ITIH1: variants seen among roughly 807,000 people sequenced by gnomAD.
ITIH1 encodes the protein inter-alpha-trypsin inhibitor heavy chain 1.
In ITIH1, 94 loss-of-function variants were observed where a neutral mutation model predicts 104.6. The ratio of observed to expected loss-of-function variants is 0.90; its 90% CI spans 0.76 to 1.07. ITIH1 has a LOEUF of 1.07. Among genes scored for constraint, ITIH1 ranks in the 50% least tolerant of loss-of-function variants. The probability of loss-of-function intolerance (pLI) is 0.00; values close to 1 mark genes in which losing one functional copy is unlikely to be tolerated. For synonymous variants in ITIH1, 455 were observed against 464.4 expected, an observed-to-expected ratio of 0.98 and a Z score of 0.26; for missense variants, 1,193 against 1,181.4, an observed-to-expected ratio of 1.01 and a Z score of -0.14.
At chr3:52,778,608 C>A in intron 3 of ITIH1, 102 bp downstream of exon 3, 2 of 1,550,580 alleles carry the variant, frequency 1.3e-6, no homozygotes. Flanking sequence ...AGAGCATCTC[C>A]TCATTCTAGA....
chr3:52,786,242 C>A, intron 12 of ITIH1, 53 bp from the exon 13 acceptor site: 2 of 1,536,562 alleles, frequency 1.3e-6, no homozygotes, highest in East Asian at 2.4e-5. Flanking sequence ...TAGCACCAGC[C>A]AGGGGCCGTG....
chr3:52,791,072 T>C, intron 20 of ITIH1, 151 bp downstream of exon 20: 4 of 751,978 alleles, frequency 5.3e-6, no homozygotes, highest in Non-Finnish European at 8.3e-6. Flanking sequence ...TCTGAGGGGC[T>C]GTGTTGGTGA....
At position 52,781,212 on chromosome 3, in the gene ITIH1, TTCTTC is replaced by T. The variant is rs1699035831; in HGVS notation, c.688-726_688-722del. On this transcript the variant is annotated intron_variant, in intron 6 of 21. Transcript: ENST00000273283. ...TCCTCCTCTTCTTTTTTTTTTTTTC[TTCTTC>T]TTCTTCTTCTTCTTCTTCTTCTTCT... 7.1e-3 allele frequency among the ~76,000 whole-genome samples: 99 copies of T among 13,908 alleles called. 7 individuals carry two copies. The highest frequency in any genetic ancestry group is 0.014 in the South Asian group (6 of 422). 9.1% of individuals were successfully genotyped at this position (13,908 alleles called of 152,430 possible). A position where few individuals can be genotyped will look rare whatever the true frequency, so the allele number is the denominator to read the frequency against.
chr3:52,788,496 ATCC>A (rs1699262956), intron 18 of ITIH1, 151 bp downstream of exon 18: 1 of 603,968 alleles, frequency 1.7e-6, no homozygotes, highest in Non-Finnish European at 3.0e-6. Flanking sequence ...TTCCCACGCC[ATCC>A]TCCTGGCTGC....
At position 52,784,382 on chromosome 3, in the gene ITIH1, A is replaced by G. The variant is rs755447306; in HGVS notation, c.1312A>G (p.Asn438Asp). The change falls in exon 11 of 22, where the codon AAT becomes GAT. Residue 438 changes from asparagine to aspartate, a missense_variant. Asn to Asp is a conservative substitution (Grantham distance 23). Coordinates refer to ENST00000273283, the MANE Select transcript of ITIH1 (RefSeq NM_002215.4). ...FPLYNLGFGH[N>D]VDFNFLEVMS... is the part of the protein sequence containing the mutation. ...GCTCTACAACCTGGGTTTCGGCCAC[A>G]ATGTGGACTTTAACTTTCTGGAGGT... is the stretch of plus-strand genomic sequence containing the variant. 1.9e-6 allele frequency: 3 copies of G among 1,614,182 alleles called. No homozygotes were observed. Among genetic ancestry groups the G allele is most frequent in the Non-Finnish European group, 2.5e-6 (3 of 1,180,008 alleles).
chr3:52,789,463 A>G (rs757115531), intron 18 of ITIH1, among the ~76,000 whole-genome samples, 190 bp from the exon 19 acceptor site: 2 of 152,112 alleles, frequency 1.3e-5, no homozygotes, highest in African/African-American at 2.4e-5. Context: ...TTGGCATGGC[A>G]GGAGGGGTGG....
chr3:52,780,391 G>T lies in ITIH1; in HGVS notation c.687+9G>T, dbSNP rs372981808. 6.3e-7 allele frequency: 1 copy of T among 1,592,476 alleles called. No homozygotes were observed. Among genetic ancestry groups the T allele is most frequent in the African/African-American group, 1.3e-5 (1 of 74,494 alleles). On this transcript the variant is annotated intron_variant, in intron 6 of 21. Transcript: ENST00000273283. ...CCTTCTCAGGAAAAAAGGTACATGG[G>T]ATAGCAAGGGGGTGGTGGTGGGCCC...
In ITIH1 at chr3:52,789,753, G is replaced by C. The variant is rs972021409; in HGVS notation, c.2220G>C (p.Thr740=). ...GGCTGGGAATCGCAAACCCTGCCAC[G>C]GACTTTCAGTTGGAAGTGACTCCTC... is the stretch of plus-strand genomic sequence containing the variant. The part of the protein sequence containing the change: ...FGRLGIANPA[T]DFQLEVTPQN... Residue 740 remains threonine (T), a synonymous_variant, in exon 19 of 22, where the codon ACG becomes ACC. Transcript: ENST00000273283. 4 of 1,614,236 alleles carry C rather than the reference G, an allele frequency of 2.5e-6. No homozygotes were observed. The highest frequency in any genetic ancestry group is 2.2e-5 in the South Asian group (2 of 91,084).
chr3:52,778,267 C>T (rs1698952025), intron 2 of ITIH1, 73 bp from the exon 3 acceptor site: 1 of 1,484,974 alleles, frequency 6.7e-7, no homozygotes, highest in African/African-American at 1.4e-5. Flanking sequence ...AGTGCCAAGT[C>T]CCCGTACCAC....
intron 19 of ITIH1, 49 bp downstream of exon 19, chr3:52,789,903 C>A (rs777614788): frequency 4.4e-6 from 7 of 1,578,252 alleles, no homozygotes; most frequent in Non-Finnish European, 6.1e-6. Flanking sequence ...GTGGCCTGGG[C>A]CCAGGACTCT....
chr3:52,789,856 T>C lies in ITIH1; in HGVS notation c.2321+2T>C, dbSNP rs781521171. 6.8e-6 allele frequency: 11 copies of C among 1,613,740 alleles called. No individual in the cohort carries two copies. The highest frequency in any genetic ancestry group is 9.3e-6 in the Non-Finnish European group (11 of 1,179,794). On this transcript the variant is annotated splice_donor_variant, in intron 19 of 21. Coordinates refer to ENST00000273283, the MANE Select transcript of ITIH1 (RefSeq NM_002215.4). LOFTEE classifies it high-confidence loss of function. ...CCAAGCTGTGCTGCGGCAGGACGGG[T>C]AACCTGCCAGGGCCTGGGCAAGATG... is the stretch of plus-strand genomic sequence containing the variant.
chr3:52,779,366 G>T lies in ITIH1; in HGVS notation c.411-66G>T. The T allele has an allele frequency of 3.3e-6, 5 of 1,514,080 alleles. No individual in the cohort carries two copies. In the South Asian group the frequency reaches 5.6e-5, roughly 17 times the overall value. 93.8% of individuals were successfully genotyped at this position (1,514,080 alleles called of 1,614,324 possible). Reference sequence around the variant, plus strand: ...AATAAATTCTGTGGGCCACATGTTAGGTGACAAGGACCCAAATGTCATTTA... The same window carrying T: ...AATAAATTCTGTGGGCCACATGTTATGTGACAAGGACCCAAATGTCATTTA... On this transcript the variant is annotated intron_variant, in intron 4 of 21. Transcript: ENST00000273283. This position sits in a 1 kb window ranked among gnomAD's most constrained non-coding sequence, Gnocchi z 4.4.
rs1220663829 is a variant in ITIH1, at chr3:52,791,913, C to G, written c.*2C>G. On this transcript the variant is annotated 3_prime_UTR_variant, in exon 22 of 22. Transcript: ENST00000273283. ...TATATCGTCCCCGACATCTTCTGAGCCCTCTGGCCAGCACGCCTGTCCTCC... is the reference window on the plus strand; with the variant it reads ...TATATCGTCCCCGACATCTTCTGAGGCCTCTGGCCAGCACGCCTGTCCTCC... The G allele has an allele frequency of 1.9e-6, 3 of 1,609,972 alleles. No homozygotes were observed. Among genetic ancestry groups the G allele is most frequent in the Non-Finnish European group, 2.5e-6 (3 of 1,177,558 alleles).
Position 52,791,586 on chromosome 3 carries a change from A to G in ITIH1, c.2564A>G (p.Asp855Gly). Residue 855 changes from aspartate (D) to glycine (G), a missense_variant, in exon 21 of 22, where the codon GAT (aspartate) becomes GGT (glycine). Asp to Gly is a moderately conservative substitution (Grantham distance 94, BLOSUM62 -1). Transcript: ENST00000273283. ...CCAGGCTCTGACCCCACAAAGCCAGATGCCACGATGGTGGTGAGGAACCGC... is the reference window on the plus strand; with the variant it reads ...CCAGGCTCTGACCCCACAAAGCCAGGTGCCACGATGGTGGTGAGGAACCGC... ...IHPGSDPTKPDATMVVRNRRL... is the reference protein window; with the variant it reads ...IHPGSDPTKPGATMVVRNRRL... 4 of 1,614,142 alleles carry G rather than the reference A, an allele frequency of 2.5e-6. No homozygotes were observed. The highest frequency in any genetic ancestry group is 3.4e-6 in the Non-Finnish European group (4 of 1,180,034).
rs1698939550 is a variant in ITIH1 at position 52,777,623 on chromosome 3, G to C, written c.8G>C (p.Gly3Ala). Residue 3 changes from glycine (G) to alanine (A), a missense_variant, in exon 1 of 22, where the codon GGT becomes GCT. Coordinates refer to ENST00000273283, the MANE Select transcript of ITIH1 (RefSeq NM_002215.4). MD[G>A]AMGPRGLLLC... Reference sequence around the variant, plus strand: ...CAGCAGGAGCCTTAGAGCATGGACGGTGCCATGGGGCCTCGGGGGCTGCTG... The same window carrying C: ...CAGCAGGAGCCTTAGAGCATGGACGCTGCCATGGGGCCTCGGGGGCTGCTG... The C allele has an allele frequency of 6.3e-7, 1 of 1,583,252 alleles. No homozygotes were observed. The highest frequency in any genetic ancestry group is 8.6e-7 in the Non-Finnish European group (1 of 1,165,764).
chr3:52,783,428 A>T, intron 10 of ITIH1, 89 bp downstream of exon 10: 1 of 1,444,090 alleles, frequency 6.9e-7, no homozygotes, highest in Non-Finnish European at 9.5e-7. Context: ...ACCATTGGAG[A>T]TGCCATCAGG....
intron 11 of ITIH1, 129 bp from the exon 12 acceptor site, chr3:52,784,915 C>A: frequency 1.2e-6 from 1 of 846,304 alleles, no homozygotes; most frequent in South Asian, 1.7e-5. Context: ...CTCGAGCCAG[C>A]TACTTGACCT....
chr3:52,781,652 G>A (rs1476840493), intron 6 of ITIH1, among the ~76,000 whole-genome samples: 1 of 152,048 alleles, frequency 6.6e-6, no homozygotes, highest in Non-Finnish European at 1.5e-5. Flanking sequence ...GTTGTCAGAT[G>A]TATCACATTG....
chr3:52,784,518 TA>T, intron 11 of ITIH1, 41 bp downstream of exon 11: 2 of 1,589,074 alleles, frequency 1.3e-6, no homozygotes, highest in Non-Finnish European at 1.7e-6. Flanking sequence ...TGGCATGCCA[TA>T]GGGAGCCCTG....
Sources: gnomAD v4.1 joint callset for allele counts (sites outside exome capture counted in the v4.1 genomes callset) on GRCh38, gnomAD v4.1.1 for gene constraint, Gnocchi (gnomAD v3.1) non-coding constraint, MANE v1.5 for transcripts, NCBI Gene and HGNC (gene_info 2026-07-23, HGNC 2026-07-21) for gene names.